ASTN2: variants seen among roughly 807,000 people sequenced by gnomAD.
The protein encoded by ASTN2 is astrotactin-2.
ASTN2 carries 54 observed loss-of-function variants against 139.8 expected under a neutral mutation model. That is an observed-to-expected ratio of 0.39 (90% confidence interval 0.31 to 0.48). The LOEUF is 0.48. Ranked by LOEUF, ASTN2 falls within the 20% of genes least tolerant of loss-of-function variation. The probability of loss-of-function intolerance (pLI) is 0.95; values close to 1 mark genes in which losing one functional copy is unlikely to be tolerated. For synonymous variants in ASTN2, 756 were observed against 719.5 expected, an observed-to-expected ratio of 1.05 and a Z score of -0.81; for missense variants, 1,565 against 1,725.1, an observed-to-expected ratio of 0.91 and a Z score of 1.64.
At chr9:116,888,377 G>T (rs1367228750) in intron 10 of ASTN2, among the ~76,000 whole-genome samples, 1 of 152,124 alleles carries the variant, frequency 6.6e-6, no homozygotes, top group Non-Finnish European at 1.5e-5. Context: ...TTTTCTGGTG[G>T]ATCTTCTGAT....
intron 3 of ASTN2, among the ~76,000 whole-genome samples, chr9:117,191,349 T>C (rs969361258): frequency 6.6e-5 from 10 of 151,704 alleles, no homozygotes; most frequent in African/African-American, 1.9e-4. Flanking sequence ...AAATGCAAGA[T>C]AGAAAACAAT....
At chr9:117,239,429 C>T (rs1460689617) in intron 2 of ASTN2, among the ~76,000 whole-genome samples, 1 of 152,160 alleles carries the variant, frequency 6.6e-6, no homozygotes, top group African/African-American at 2.4e-5. Context: ...TCTATAAAAG[C>T]CCAGAGAAGC....
chr9:116,927,841 A>T (rs572973794), intron 10 of ASTN2, among the ~76,000 whole-genome samples: 2 of 151,924 alleles, frequency 1.3e-5, no homozygotes, highest in Admixed American at 6.6e-5. Flanking sequence ...GTGACTGAAA[A>T]CTCCATTGTA....
chr9:117,033,979 T>C (rs1008903269), intron 6 of ASTN2, among the ~76,000 whole-genome samples: 4 of 152,190 alleles, frequency 2.6e-5, no homozygotes, highest in African/African-American at 4.8e-5. Context: ...ATTGAATGAA[T>C]GTCTTCCATC....
intron 10 of ASTN2, among the ~76,000 whole-genome samples, chr9:116,960,548 T>C (rs571822866): frequency 4.5e-4 from 68 of 152,122 alleles, no homozygotes; most frequent in African/African-American, 1.6e-3. Flanking sequence ...TTTAGCCTTT[T>C]GCTATTGGGG....
chr9:116,998,549 TCATCCATC>T (rs35712923), intron 7 of ASTN2, among the ~76,000 whole-genome samples: 1 of 150,672 alleles, frequency 6.6e-6, no homozygotes, highest in African/African-American at 2.4e-5. Context: ...AATTTGATTT[TCATCCATC>T]CATCCATCCA....
At chr9:116,759,807 G>A (rs1032344243) in intron 13 of ASTN2, among the ~76,000 whole-genome samples, 2 of 151,994 alleles carry the variant, frequency 1.3e-5, no homozygotes, top group African/African-American at 2.4e-5. Context: ...TTCCATGAGG[G>A]CAAGGACCTT....
In ASTN2 at chr9:117,305,761, T is replaced by C. The variant is rs184006540; in HGVS notation, c.443-14248A>G. Among the ~76,000 whole-genome samples the C allele has an allele frequency of 8.5e-5, 13 of 152,352 alleles. No homozygotes were observed. The East Asian group carries it at 2.3e-3, about 27-fold the overall frequency. ...AGTGCTTACTCTGTGCGAGTCTCTG[T>C]TCTTAGCTGTGTGCACATATCTCAT... is the stretch of plus-strand genomic sequence containing the variant. On this transcript the variant is annotated intron_variant, in intron 1 of 22. Coordinates refer to ENST00000313400, the MANE Select transcript of ASTN2 (RefSeq NM_001365068.1).
At chr9:117,002,056 G>A (rs1282749006) in intron 7 of ASTN2, among the ~76,000 whole-genome samples, 2 of 152,148 alleles carry the variant, frequency 1.3e-5, no homozygotes, top group Admixed American at 6.6e-5. Context: ...GGGATCTTAT[G>A]TTCCTATTTC....
intron 11 of ASTN2, among the ~76,000 whole-genome samples, chr9:116,855,714 G>A (rs1469387585): frequency 6.6e-6 from 1 of 152,118 alleles, no homozygotes; most frequent in Non-Finnish European, 1.5e-5. Flanking sequence ...ACAGAGTTTG[G>A]AGTTTCCTCT....
At chr9:117,127,032 G>T (rs1309669007) in intron 4 of ASTN2, among the ~76,000 whole-genome samples, 1 of 152,156 alleles carries the variant, frequency 6.6e-6, no homozygotes, top group Non-Finnish European at 1.5e-5. Context: ...AGTTTGGAAA[G>T]GTATCATCCT....
chr9:116,952,674 G>C (rs1835596645), intron 10 of ASTN2, among the ~76,000 whole-genome samples: 1 of 152,148 alleles, frequency 6.6e-6, no homozygotes, highest in Non-Finnish European at 1.5e-5. Flanking sequence ...TGATCAATTT[G>C]CTCCATCATG....
intron 2 of ASTN2, among the ~76,000 whole-genome samples, chr9:117,271,508 CAA>C (rs1834063196): frequency 6.6e-6 from 1 of 152,156 alleles, no homozygotes. Context: ...CACAGTCCCT[CAA>C]AGTCTTAAAT....
chr9:116,439,483 AGCCACCGCGCCCGGC>A (rs1847776724), intron 22 of ASTN2, among the ~76,000 whole-genome samples: 18 of 139,880 alleles, frequency 1.3e-4, no homozygotes, highest in African/African-American at 5.1e-4. Context: ...TACAGGCGTG[AGCCACCGCGCCCGGC>A]CTCAAATACA....
intron 4 of ASTN2, among the ~76,000 whole-genome samples, chr9:117,132,863 C>A (rs1261563021): frequency 6.6e-6 from 1 of 152,146 alleles, no homozygotes; most frequent in Non-Finnish European, 1.5e-5. Context: ...TTCCAGGATG[C>A]AACAAATCTA....
intron 17 of ASTN2, 106 bp downstream of exon 17, chr9:116,651,422 T>C (rs1442258333): frequency 7.9e-7 from 1 of 1,259,128 alleles, no homozygotes. Flanking sequence ...ATGATGATGA[T>C]ATGATGATGA....
intron 1 of ASTN2, among the ~76,000 whole-genome samples, chr9:117,406,172 T>A (rs1268812006): frequency 6.6e-6 from 1 of 152,164 alleles, no homozygotes; most frequent in Non-Finnish European, 1.5e-5. Context: ...CATTAGCTGC[T>A]CACAGGGTAC....
rs975684659 is a variant in ASTN2 at position 116,884,811 on chromosome 9, C to G, written c.1890-21078G>C. ...TCAATCTCCAAATATCCGCCCCCCCCCCACCCACTTTTTTTTTTTTTTGAG... is the reference window on the plus strand; with the variant it reads ...TCAATCTCCAAATATCCGCCCCCCCGCCACCCACTTTTTTTTTTTTTTGAG... On this transcript the variant is annotated intron_variant, in intron 10 of 22. Coordinates refer to ENST00000313400, the MANE Select transcript of ASTN2 (RefSeq NM_001365068.1). Among the ~76,000 whole-genome samples the G allele has an allele frequency of 9.5e-5, 12 of 126,480 alleles. No individual in the cohort carries two copies. In the South Asian group the frequency reaches 1.7e-3, roughly 18 times the overall value. 83.0% of individuals were successfully genotyped at this position (126,480 alleles called of 152,430 possible).
intron 1 of ASTN2, among the ~76,000 whole-genome samples, chr9:117,344,737 C>G (rs114138867): frequency 6.6e-6 from 1 of 152,136 alleles, no homozygotes; most frequent in African/African-American, 2.4e-5. Context: ...AGAATGAACA[C>G]GGGTTTCAAC....
Sources: gnomAD v4.1 joint callset for allele counts (sites outside exome capture counted in the v4.1 genomes callset) on GRCh38, gnomAD v4.1.1 for gene constraint, MANE v1.5 for transcripts, NCBI Gene and HGNC (gene_info 2026-07-23, HGNC 2026-07-21) for gene names.